The following PHF2 variants were observed in gnomAD, a reference collection of about 807,000 sequenced individuals.
PHF2 encodes the protein lysine-specific demethylase PHF2.
A neutral mutation model predicts 120.5 loss-of-function variants in PHF2; 27 were observed. That is an observed-to-expected ratio of 0.22 (90% confidence interval 0.17 to 0.31). The LOEUF (loss-of-function observed/expected upper bound fraction) is 0.31, where lower values mean the gene tolerates loss of function less well. Among genes scored for constraint, PHF2 ranks in the 10% least tolerant of loss-of-function variants. The probability of loss-of-function intolerance (pLI) is 1.00; values close to 1 mark genes in which losing one functional copy is unlikely to be tolerated. For missense variants in PHF2, 1,024 were observed against 1,434.8 expected, an observed-to-expected ratio of 0.71 and a Z score of 4.63; for synonymous variants, 568 against 592.5, an observed-to-expected ratio of 0.96 and a Z score of 0.60.
At chr9:93,635,839 G>T (rs1461802002) in intron 2 of PHF2, among the ~76,000 whole-genome samples, 1 of 152,220 alleles carries the variant, frequency 6.6e-6, no homozygotes, top group African/African-American at 2.4e-5. Flanking sequence ...GAAGTAGGTG[G>T]GGTAGACAGG....
At chr9:93,670,354 T>C (rs1285463489) in intron 17 of PHF2, among the ~76,000 whole-genome samples, 1 of 152,202 alleles carries the variant, frequency 6.6e-6, no homozygotes, top group East Asian at 1.9e-4. Flanking sequence ...AAAGGGACGT[T>C]GCAGGGTGTA....
At chr9:93,587,019 T>C (rs1863058488) in intron 1 of PHF2, among the ~76,000 whole-genome samples, 1 of 152,174 alleles carries the variant, frequency 6.6e-6, no homozygotes, top group African/African-American at 2.4e-5. Context: ...GGGTGGGAGT[T>C]ACATTCTGGC....
At chr9:93,595,117 G>A (rs1052485594) in intron 1 of PHF2, among the ~76,000 whole-genome samples, 4 of 152,024 alleles carry the variant, frequency 2.6e-5, no homozygotes, top group African/African-American at 9.7e-5. Flanking sequence ...TCTTTAAAGG[G>A]GTACTTACAG....
intron 17 of PHF2, among the ~76,000 whole-genome samples, chr9:93,670,633 C>G (rs1185078480): frequency 1.3e-5 from 2 of 152,188 alleles, no homozygotes; most frequent in African/African-American, 4.8e-5. Flanking sequence ...CCAAGGAGCC[C>G]AGGACTTGGC....
At chr9:93,620,564 G>A (rs966190585) in intron 1 of PHF2, among the ~76,000 whole-genome samples, 3 of 152,238 alleles carry the variant, frequency 2.0e-5, no homozygotes, top group Admixed American at 6.5e-5. Context: ...CCACAAGCAC[G>A]TGGATATCTG....
intron 1 of PHF2, among the ~76,000 whole-genome samples, chr9:93,586,545 C>T (rs1303500468): frequency 6.6e-6 from 1 of 152,246 alleles, no homozygotes; most frequent in Non-Finnish European, 1.5e-5. Flanking sequence ...AGCCAACGTA[C>T]AGGCCGGATG....
intron 12 of PHF2, 46 bp from the exon 13 acceptor site, chr9:93,662,861 C>T (rs1587715025): frequency 6.2e-7 from 1 of 1,608,618 alleles, no homozygotes; most frequent in South Asian, 1.1e-5. Context: ...AGAGTTCCAC[C>T]AGCCCTCTAT....
chr9:93,653,444 C>A (rs1826403156), intron 6 of PHF2, 79 bp downstream of exon 6: 3 of 1,455,558 alleles, frequency 2.1e-6, no homozygotes, highest in Non-Finnish European at 9.4e-7. Flanking sequence ...TCCCCACAAG[C>A]CCTGATTGGC....
At chr9:93,676,387 G>A (rs1465143287) in intron 20 of PHF2, among the ~76,000 whole-genome samples, 2 of 152,210 alleles carry the variant, frequency 1.3e-5, no homozygotes, top group Non-Finnish European at 2.9e-5. Context: ...AACTCACACT[G>A]ACAGGGAGGC....
At chr9:93,595,177 G>A (rs1825309333) in intron 1 of PHF2, among the ~76,000 whole-genome samples, 1 of 152,180 alleles carries the variant, frequency 6.6e-6, no homozygotes, top group Non-Finnish European at 1.5e-5. Flanking sequence ...GAAATGATTA[G>A]TCATAACTAT....
At chr9:93,597,550 T>C (rs780693675) in intron 1 of PHF2, among the ~76,000 whole-genome samples, 4 of 151,796 alleles carry the variant, frequency 2.6e-5, no homozygotes, top group Non-Finnish European at 5.9e-5. Context: ...GGGGGTGGCA[T>C]TGGGGGCAGG....
At position 93,656,884 on chromosome 9, in the gene PHF2, A is replaced by G. The variant is rs1349185156; in HGVS notation, c.1147+289A>G. On this transcript the variant is annotated intron_variant, in intron 9 of 21. Transcript: ENST00000359246. This position sits in a 1 kb window ranked among gnomAD's most constrained non-coding sequence, Gnocchi z 4.1. ...CATGGCCTCAGTGCAGGTATCAATCACACCTGCTCCACCCTCCACACTTGC... is the reference window on the plus strand; with the variant it reads ...CATGGCCTCAGTGCAGGTATCAATCGCACCTGCTCCACCCTCCACACTTGC... Among the ~76,000 whole-genome samples, 1 of 152,182 alleles carries G rather than the reference A, an allele frequency of 6.6e-6. No individual in the cohort carries two copies. Among genetic ancestry groups the G allele is most frequent in the East Asian group, 1.9e-4 (1 of 5,176 alleles).
chr9:93,630,691 G>A (rs1282367903), intron 2 of PHF2, among the ~76,000 whole-genome samples: 1 of 152,208 alleles, frequency 6.6e-6, no homozygotes, highest in Non-Finnish European at 1.5e-5. Flanking sequence ...AGCCAGGTGA[G>A]CTGGAGGTTA....
Position 93,675,673 on chromosome 9 carries a change from T to C in PHF2, c.2723-7T>C. The stretch of plus-strand genomic sequence containing the variant: ...AGCTTGAGGGGGCTGGCCCTTCTTT[T>C]CCACAGCAAGGGTCGGCCCATCGGT... On this transcript the variant is annotated splice_region_variant and splice_polypyrimidine_tract_variant and intron_variant, in intron 19 of 21. Coordinates refer to ENST00000359246, the MANE Select transcript of PHF2 (RefSeq NM_005392.4). The C allele has an allele frequency of 6.2e-7, 1 of 1,607,518 alleles. No homozygotes were observed. The highest frequency in any genetic ancestry group is 1.7e-5 in the Admixed American group (1 of 59,788).
chr9:93,654,128 G>A (rs1826416418), intron 6 of PHF2, among the ~76,000 whole-genome samples: 1 of 152,236 alleles, frequency 6.6e-6, no homozygotes, highest in Admixed American at 6.5e-5. Context: ...GCTTTTGACA[G>A]TCATTTGCAG....
chr9:93,673,575 G>C lies in PHF2; in HGVS notation c.2349-10G>C. 1.3e-6 allele frequency: 2 copies of C among 1,547,798 alleles called. No homozygotes were observed. Among genetic ancestry groups the C allele is most frequent in the Non-Finnish European group, 1.7e-6 (2 of 1,143,406 alleles). On this transcript the variant is annotated splice_polypyrimidine_tract_variant and intron_variant, in intron 17 of 21. Coordinates refer to ENST00000359246, the MANE Select transcript of PHF2 (RefSeq NM_005392.4). ...CACTGGGCTGAGTGCCTGTCTCTCT[G>C]TGCCCCTAGCCAGCCCCCGGCCTCC...
intron 3 of PHF2, among the ~76,000 whole-genome samples, chr9:93,643,775 C>T (rs543757701): frequency 1.3e-5 from 2 of 152,280 alleles, no homozygotes; most frequent in South Asian, 4.1e-4. Context: ...CCACATGTGT[C>T]CCCAGATCAG....
At chr9:93,646,961 G>A (rs1256968685) in intron 4 of PHF2, among the ~76,000 whole-genome samples, 1 of 152,232 alleles carries the variant, frequency 6.6e-6, no homozygotes, top group Non-Finnish European at 1.5e-5. Context: ...TTGGAGCTGT[G>A]GCACTAGCTC....
chr9:93,644,369 AAG>A (rs1432913620), intron 3 of PHF2, among the ~76,000 whole-genome samples: 1 of 149,560 alleles, frequency 6.7e-6, no homozygotes. Context: ...GCTGGGCAAC[AAG>A]AGAGAAACTC....
Sources: gnomAD v4.1 joint callset for allele counts (sites outside exome capture counted in the v4.1 genomes callset) on GRCh38, gnomAD v4.1.1 for gene constraint, Gnocchi (gnomAD v3.1) non-coding constraint, MANE v1.5 for transcripts, NCBI Gene and HGNC (gene_info 2026-07-23, HGNC 2026-07-21) for gene names.